The following TERF2 variants were observed in gnomAD, a reference collection of about 807,000 sequenced individuals.
TERF2 encodes telomeric repeat-binding factor 2.
A neutral mutation model predicts 56.1 loss-of-function variants in TERF2; 16 were observed. That is an observed-to-expected ratio of 0.29 (90% CI 0.19 to 0.43). The LOEUF (loss-of-function observed/expected upper bound fraction) is 0.43, where lower values mean the gene tolerates loss of function less well. Among genes scored for constraint, TERF2 ranks in the 20% least tolerant of loss-of-function variants. The pLI is 1.00. For missense variants in TERF2, 547 were observed against 712.9 expected (o/e 0.77, Z 2.65); for synonymous variants, 296 against 282.1 (o/e 1.05, Z -0.50).
intron 3 of TERF2, among the ~76,000 whole-genome samples, chr16:69,380,476 T>C (rs1194806738): frequency 1.3e-5 from 2 of 151,446 alleles, no homozygotes; most frequent in Admixed American, 6.6e-5. Context: ...CTGGCCAAGA[T>C]GGTGAAACCC....
At chr16:69,375,133 T>C (rs534305358) in intron 3 of TERF2, among the ~76,000 whole-genome samples, 2 of 152,298 alleles carry the variant, frequency 1.3e-5, no homozygotes, top group South Asian at 2.1e-4. Context: ...ATTCCATGCA[T>C]GTACTATAGT....
rs191776266 is a variant in TERF2 at position 69,372,260 on chromosome 16, C to T, written c.693+9G>A. ...TTAAGTCACAGGAGCAAAAATGTATCAAATTTACCTGAGTTGTGGGGTCCT... is the reference window on the plus strand; with the variant it reads ...TTAAGTCACAGGAGCAAAAATGTATTAAATTTACCTGAGTTGTGGGGTCCT... On this transcript the variant is annotated intron_variant, in intron 4 of 9. Coordinates refer to ENST00000254942, the MANE Select transcript of TERF2 (RefSeq NM_005652.5). 4,470 of 1,588,630 alleles carry T rather than the reference C, an allele frequency of 2.8e-3. 8 individuals are homozygous for T. The highest frequency in any genetic ancestry group is 3.7e-3 in the Non-Finnish European group (4,294 of 1,169,494).
chr16:69,372,611 A>G (rs2013618527), intron 3 of TERF2, among the ~76,000 whole-genome samples: 1 of 152,072 alleles, frequency 6.6e-6, no homozygotes, highest in Non-Finnish European at 1.5e-5. Context: ...AAAAATACAA[A>G]ATTAGCCAGG....
At chr16:69,373,929 A>G (rs1597253682) in intron 3 of TERF2, among the ~76,000 whole-genome samples, 1 of 152,364 alleles carries the variant, frequency 6.6e-6, no homozygotes, top group East Asian at 1.9e-4. Flanking sequence ...AATAGCAAGG[A>G]AATTCATTAA....
chr16:69,379,136 T>C (rs1348208835), intron 3 of TERF2, among the ~76,000 whole-genome samples: 2 of 152,172 alleles, frequency 1.3e-5, no homozygotes, highest in Non-Finnish European at 2.9e-5. Flanking sequence ...AAGGTAGGTT[T>C]ATGTTGGGAA....
At chr16:69,358,179 AT>A (rs1256417250) in intron 8 of TERF2, among the ~76,000 whole-genome samples, 1 of 152,046 alleles carries the variant, frequency 6.6e-6, no homozygotes, top group Admixed American at 6.6e-5. Context: ...CGCCCGGCTA[AT>A]TTTTTTGTAT....
chr16:69,359,951 T>C (rs2013069370), intron 8 of TERF2, among the ~76,000 whole-genome samples: 2 of 151,572 alleles, frequency 1.3e-5, no homozygotes, highest in Non-Finnish European at 1.5e-5. Flanking sequence ...TTTGTAGACA[T>C]GGAGTTTTGC....
chr16:69,368,497 A>G lies in TERF2; in HGVS notation c.841-15T>C. ...TTTTTGGCCATCTGGGAAAGGAAGG[A>G]TGTCATCAGGAAGAAGAGGCCACAG... On this transcript the variant is annotated splice_polypyrimidine_tract_variant and intron_variant, in intron 5 of 9. Coordinates refer to ENST00000254942, the MANE Select transcript of TERF2 (RefSeq NM_005652.5). 2.5e-6 allele frequency: 4 copies of G among 1,613,904 alleles called. No homozygotes were observed. The highest frequency in any genetic ancestry group is 3.4e-6 in the Non-Finnish European group (4 of 1,179,908).
intron 8 of TERF2, 48 bp from the exon 9 acceptor site, chr16:69,357,609 C>A: frequency 6.3e-7 from 1 of 1,596,424 alleles, no homozygotes; most frequent in South Asian, 1.1e-5. Context: ...CCTTTCTCTG[C>A]ACAAACCACA....
intron 3 of TERF2, among the ~76,000 whole-genome samples, chr16:69,384,370 T>A (rs1434915559): frequency 6.6e-6 from 1 of 151,932 alleles, no homozygotes; most frequent in African/African-American, 2.4e-5. Context: ...ACCACCCAAA[T>A]CACAAAAACT....
rs1057514421 is a variant in TERF2 at position 69,360,143 on chromosome 16, T to A, written c.1426+1261A>T. On this transcript the variant is annotated intron_variant, in intron 8 of 9. Transcript: ENST00000254942. ...GGCTCACACCTGTAATCCCAACACTTTGGGAGGCTGAGGCGAGCAGATCAC... is the reference window on the plus strand; with the variant it reads ...GGCTCACACCTGTAATCCCAACACTATGGGAGGCTGAGGCGAGCAGATCAC... Among the ~76,000 whole-genome samples the A allele has an allele frequency of 2.0e-5, 3 of 151,958 alleles. No individual in the cohort carries two copies. In the South Asian group the frequency reaches 6.2e-4, roughly 32 times the overall value.
At chr16:69,369,634 T>C (rs2013488633) in intron 5 of TERF2, among the ~76,000 whole-genome samples, 1 of 152,146 alleles carries the variant, frequency 6.6e-6, no homozygotes, top group Admixed American at 6.5e-5. Context: ...AAAACCACTC[T>C]CACTCAGTGT....
At chr16:69,376,385 C>G (rs2013778865) in intron 3 of TERF2, among the ~76,000 whole-genome samples, 1 of 152,140 alleles carries the variant, frequency 6.6e-6, no homozygotes, top group Non-Finnish European at 1.5e-5. Context: ...TTTAGATGCT[C>G]TCTTCTGTTC....
intron 4 of TERF2, 125 bp downstream of exon 4, chr16:69,372,144 C>A (rs2013599555): frequency 3.4e-6 from 2 of 583,150 alleles, no homozygotes; most frequent in African/African-American, 1.9e-5. Flanking sequence ...TAACTTGCTG[C>A]AGGTGTTACA....
At chr16:69,357,183 T>G (rs113552134) in intron 9 of TERF2, 127 bp from the exon 10 acceptor site, 1 of 1,153,468 alleles carries the variant, frequency 8.7e-7, no homozygotes, top group Middle Eastern at 2.1e-4. Context: ...TCACAGCTTA[T>G]GTTTTTAAAC....
At chr16:69,385,090 C>A (rs2014140917) in intron 2 of TERF2, among the ~76,000 whole-genome samples, 1 of 152,112 alleles carries the variant, frequency 6.6e-6, no homozygotes, top group Non-Finnish European at 1.5e-5. Flanking sequence ...GAAAAACTCT[C>A]TACCATGGGG....
chr16:69,357,881 C>T (rs1384545492), intron 8 of TERF2, among the ~76,000 whole-genome samples: 5 of 141,040 alleles, frequency 3.5e-5, no homozygotes, highest in Admixed American at 3.0e-4. Flanking sequence ...CGGAGTCTTG[C>T]TCCGTTCCCC....
At chr16:69,357,858 T>C (rs2012965688) in intron 8 of TERF2, among the ~76,000 whole-genome samples, 1 of 150,134 alleles carries the variant, frequency 6.7e-6, no homozygotes, top group African/African-American at 2.5e-5. Context: ...TTTTTTTTTT[T>C]TTTTTTTTGA....
intron 3 of TERF2, among the ~76,000 whole-genome samples, chr16:69,374,564 A>G (rs1013259220): frequency 3.5e-5 from 5 of 142,444 alleles, no homozygotes; most frequent in African/African-American, 1.3e-4. Context: ...TGAGGGCAGC[A>G]GTGAGCTATG....
Sources: allele counts gnomAD v4.1 joint callset (sites outside exome capture counted in the v4.1 genomes callset), GRCh38; gene constraint gnomAD v4.1.1; transcripts MANE v1.5; gene names NCBI Gene and HGNC (gene_info 2026-07-23, HGNC 2026-07-21).